The following TM9SF4 variants were observed in gnomAD, a reference collection of about 807,000 sequenced individuals.
TM9SF4 encodes the protein transmembrane 9 superfamily member 4.
Under a neutral mutation model 90.4 loss-of-function variants are expected in TM9SF4, and 26 were observed. The ratio of observed to expected loss-of-function variants is 0.29; its 90% CI spans 0.21 to 0.40. The LOEUF (loss-of-function observed/expected upper bound fraction) is 0.40. Among genes scored for constraint, TM9SF4 ranks in the 10% least tolerant of loss-of-function variants. TM9SF4 has a pLI of 1.00. For missense variants in TM9SF4, 549 were observed against 834.8 expected (o/e 0.66, Z 4.22); for synonymous variants, 293 against 315.4 (o/e 0.93, Z 0.75).
chr20:32,135,937 G>T, intron 2 of TM9SF4, 137 bp from the exon 3 acceptor site: 1 of 633,348 alleles, frequency 1.6e-6, no homozygotes, highest in East Asian at 2.8e-5. Context: ...AGAATTGTGG[G>T]CAGTACATTA....
chr20:32,165,802 C>T lies in TM9SF4; in HGVS notation c.*358C>T, dbSNP rs2047091629. ...AATGGATCCAGGATGGATAAATCCA[C>T]CGAGATAAGGGTTTTGGTCACTGTC... On this transcript the variant is annotated 3_prime_UTR_variant, in exon 18 of 18. Transcript: ENST00000398022. 1 of 234,736 alleles carries T rather than the reference C, an allele frequency of 4.3e-6. No individual in the cohort carries two copies. The highest frequency in any genetic ancestry group is 5.0e-5 in the Admixed American group (1 of 19,920). The allele number at this position is 234,736 out of a possible 1,614,324, so 14.5% of individuals were successfully genotyped here. A position where few individuals can be genotyped will look rare whatever the true frequency, so the allele number is the denominator to read the frequency against.
chr20:32,163,355 G>T (rs971479999), intron 17 of TM9SF4, among the ~76,000 whole-genome samples: 1 of 146,854 alleles, frequency 6.8e-6, no homozygotes, highest in East Asian at 2.0e-4. Flanking sequence ...CCTTAGCCCT[G>T]TGTATCTTTT....
At chr20:32,160,370 G>A (rs956640233) in intron 16 of TM9SF4, among the ~76,000 whole-genome samples, 1 of 152,226 alleles carries the variant, frequency 6.6e-6, no homozygotes, top group Non-Finnish European at 1.5e-5. Flanking sequence ...AGATTTGCCA[G>A]TGCCAAGTCC....
intron 2 of TM9SF4, among the ~76,000 whole-genome samples, chr20:32,133,346 T>C (rs990174385): frequency 6.6e-6 from 1 of 152,208 alleles, no homozygotes; most frequent in Non-Finnish European, 1.5e-5. Context: ...TGTGTATATT[T>C]GCATCTCGGT....
At chr20:32,133,873 C>G (rs1431874901) in intron 2 of TM9SF4, among the ~76,000 whole-genome samples, 1 of 152,138 alleles carries the variant, frequency 6.6e-6, no homozygotes, top group Non-Finnish European at 1.5e-5. Flanking sequence ...GTGGCGTGAG[C>G]ATAGCTCACT....
chr20:32,157,723 C>G (rs1223519129), intron 13 of TM9SF4, 71 bp from the exon 14 acceptor site: 2 of 1,567,120 alleles, frequency 1.3e-6, no homozygotes, highest in East Asian at 4.5e-5. Context: ...CCAGAAGGTC[C>G]CCTCCCCCTT....
In TM9SF4 at chr20:32,165,490, C is replaced by A. The variant is rs1421298418; in HGVS notation, c.*46C>A. On this transcript the variant is annotated 3_prime_UTR_variant, in exon 18 of 18. Transcript: ENST00000398022. ...GCTTGCTCCGTCCTCGGACAGGAAG[C>A]CACCCTGCGTGGGGGACTGCAGGCA... The A allele has an allele frequency of 6.2e-7, 1 of 1,605,516 alleles. No individual in the cohort carries two copies. The highest frequency in any genetic ancestry group is 8.5e-7 in the Non-Finnish European group (1 of 1,172,906).
chr20:32,129,176 T>C (rs7271281), intron 1 of TM9SF4, among the ~76,000 whole-genome samples: 20,974 of 151,966 alleles, frequency 0.14, 1,518 homozygotes, highest in East Asian at 0.18. Flanking sequence ...ACTATGTAAA[T>C]CTAAAGCTTG....
intron 1 of TM9SF4, among the ~76,000 whole-genome samples, chr20:32,121,209 C>CTTTTT (rs200664375): frequency 1.4e-5 from 2 of 138,272 alleles, no homozygotes; most frequent in African/African-American, 2.7e-5. Context: ...TTTTATTTTT[C>CTTTTT]TTTTTTTTTT....
chr20:32,159,930 G>T, intron 15 of TM9SF4, 62 bp from the exon 16 acceptor site: 1 of 1,608,306 alleles, frequency 6.2e-7, no homozygotes, highest in East Asian at 2.2e-5. Context: ...TGACAGGTTG[G>T]TGTGCCAGGG....
At chr20:32,135,193 C>G (rs906602326) in intron 2 of TM9SF4, among the ~76,000 whole-genome samples, 3 of 152,104 alleles carry the variant, frequency 2.0e-5, no homozygotes, top group South Asian at 4.1e-4. Flanking sequence ...AAACATTCTT[C>G]TTCATTGTCT....
chr20:32,136,103 G>A lies in TM9SF4; in HGVS notation c.159G>A (p.Gln53=), dbSNP rs1481182167. 1 of 1,614,162 alleles carries A rather than the reference G, an allele frequency of 6.2e-7. No individual in the cohort carries two copies. Among genetic ancestry groups the A allele is most frequent in the African/African-American group, 1.3e-5 (1 of 75,054 alleles). ...TGAAGCTCACCAGCTCTCGAACCCA[G>A]CTACCTTATGAATACTATTCACTGC... ...KAVKLTSSRT[Q]LPYEYYSLPF... is the part of the protein sequence containing the mutation. The change falls in exon 3 of 18, where the codon CAG becomes CAA. Residue 53 remains glutamine (Q), a synonymous_variant. Coordinates refer to ENST00000398022, the MANE Select transcript of TM9SF4 (RefSeq NM_014742.4).
chr20:32,157,374 C>T (rs1485784454), intron 13 of TM9SF4, among the ~76,000 whole-genome samples: 2 of 152,196 alleles, frequency 1.3e-5, no homozygotes, highest in African/African-American at 2.4e-5. Context: ...AGTTTATAGC[C>T]TCCTTTTTAC....
intron 12 of TM9SF4, 63 bp from the exon 13 acceptor site, chr20:32,155,040 C>T: frequency 7.1e-7 from 1 of 1,406,598 alleles, no homozygotes; most frequent in East Asian, 2.3e-5. Flanking sequence ...TCTGGGGGCC[C>T]CACCGGGACA....
At chr20:32,153,840 C>A (rs986370650) in intron 12 of TM9SF4, among the ~76,000 whole-genome samples, 1 of 152,180 alleles carries the variant, frequency 6.6e-6, no homozygotes, top group Non-Finnish European at 1.5e-5. Flanking sequence ...TTCTGACTGG[C>A]AAGAATACAC....
intron 1 of TM9SF4, among the ~76,000 whole-genome samples, chr20:32,115,674 G>A (rs1248859827): frequency 1.3e-5 from 2 of 152,086 alleles, no homozygotes; most frequent in Non-Finnish European, 1.5e-5. Context: ...TCCCAGCTCT[G>A]ACACTGTGAT....
intron 12 of TM9SF4, among the ~76,000 whole-genome samples, chr20:32,151,716 T>C (rs560017154): frequency 6.6e-6 from 1 of 152,206 alleles, no homozygotes; most frequent in South Asian, 2.1e-4. Flanking sequence ...AGTTTTGCTC[T>C]TGTTGCCCAG....
intron 6 of TM9SF4, among the ~76,000 whole-genome samples, 157 bp from the exon 7 acceptor site, chr20:32,144,934 G>A (rs2122419320): frequency 6.6e-6 from 1 of 151,826 alleles, no homozygotes; most frequent in African/African-American, 2.4e-5. Flanking sequence ...AATAAAAAAT[G>A]AAAAAAAACC....
intron 1 of TM9SF4, among the ~76,000 whole-genome samples, chr20:32,126,808 T>G (rs2046429630): frequency 6.6e-6 from 1 of 151,732 alleles, no homozygotes; most frequent in South Asian, 2.1e-4. Context: ...CTATCTTGGC[T>G]CACTGCAACC....
Sources: gnomAD v4.1 joint callset for allele counts (sites outside exome capture counted in the v4.1 genomes callset) on GRCh38, gnomAD v4.1.1 for gene constraint, MANE v1.5 for transcripts, NCBI Gene and HGNC (gene_info 2026-07-23, HGNC 2026-07-21) for gene names.